Variants in DENND2B observed in about 807,000 individuals in gnomAD.
DENND2B encodes DENN domain-containing protein 2B.
DENND2B carries 32 observed loss-of-function variants against 116.0 expected under a neutral mutation model. That is an observed-to-expected ratio of 0.28 (90% CI 0.21 to 0.37). The LOEUF (loss-of-function observed/expected upper bound fraction) is 0.37, where lower values mean the gene tolerates loss of function less well. Among genes scored for constraint, DENND2B ranks in the 10% least tolerant of loss-of-function variants. The pLI, the probability that DENND2B is intolerant of heterozygous loss-of-function variation, is 1.00. For synonymous variants in DENND2B, 588 were observed against 583.9 expected, an observed-to-expected ratio of 1.01 and a Z score of -0.10; for missense variants, 1,276 against 1,477.7, an observed-to-expected ratio of 0.86 and a Z score of 2.24.
rs1470505473 is a variant in DENND2B at position 8,699,109 on chromosome 11, G to A, written c.2898+104C>T. ...CAGCCGGGGATAGACCTCCCAGGGA[G>A]AAAGGATAAGAGCCTGGTAAAGAGG... On this transcript the variant is annotated intron_variant, in intron 15 of 19. Transcript: ENST00000313726. 4.6e-6 allele frequency: 7 copies of A among 1,518,194 alleles called. No individual in the cohort carries two copies. The East Asian group carries it at 1.6e-4, about 34-fold the overall frequency. 94.0% of individuals were successfully genotyped at this position (1,518,194 alleles called of 1,614,324 possible). A position where few individuals can be genotyped will look rare whatever the true frequency, so the allele number is the denominator to read the frequency against.
Position 8,703,050 on chromosome 11 carries a change from A to G in DENND2B, c.2572-330T>C, listed in dbSNP as rs1057308727. Reference sequence around the variant, plus strand: ...GAGATAGGGAGAAGAAGGGAACCACACAGCCACATCTCTAGGGTCCTCCTG... The same window carrying G: ...GAGATAGGGAGAAGAAGGGAACCACGCAGCCACATCTCTAGGGTCCTCCTG... On this transcript the variant is annotated intron_variant, in intron 13 of 19. Coordinates refer to ENST00000313726, the MANE Select transcript of DENND2B (RefSeq NM_213618.2). 295 of 293,554 alleles carry G rather than the reference A, an allele frequency of 1.0e-3. 3 individuals carry two copies. Among genetic ancestry groups the G allele is most frequent in the Non-Finnish European group, 1.5e-4 (23 of 153,326 alleles). The allele number at this position is 293,554 out of a possible 1,614,324, so 18.2% of individuals were successfully genotyped here.
chr11:8,837,625 C>T (rs1002498904), intron 4 of DENND2B, among the ~76,000 whole-genome samples: 8 of 152,146 alleles, frequency 5.3e-5, no homozygotes, highest in Non-Finnish European at 7.4e-5. Context: ...GGATTACAGG[C>T]GTGAGTCACC....
chr11:8,792,518 T>C (rs2059471437), intron 1 of DENND2B, among the ~76,000 whole-genome samples: 1 of 152,150 alleles, frequency 6.6e-6, no homozygotes, highest in African/African-American at 2.4e-5. Context: ...GGAAAAATTA[T>C]CAGCAACACA....
At chr11:8,697,415 C>T in intron 17 of DENND2B, 110 bp downstream of exon 17, 1 of 788,360 alleles carries the variant, frequency 1.3e-6, no homozygotes, top group Non-Finnish European at 2.1e-6. Flanking sequence ...AGGTCCTCAT[C>T]AGCCAGAAAG....
At chr11:8,823,295 C>G (rs12574497) in intron 4 of DENND2B, among the ~76,000 whole-genome samples, 137,359 of 152,240 alleles carry the variant, frequency 0.9, 62,872 homozygotes, top group East Asian at 1. Context: ...GCTGGATGGA[C>G]TGGTAACTCA....
chr11:8,697,735 A>C (rs941783702), intron 16 of DENND2B, 99 bp from the exon 17 acceptor site: 10 of 777,944 alleles, frequency 1.3e-5, no homozygotes, highest in Admixed American at 7.8e-5. Flanking sequence ...AATCTCATTT[A>C]TCTCTCCCAG....
At chr11:8,848,302 C>T (rs1435834457) in intron 3 of DENND2B, among the ~76,000 whole-genome samples, 3 of 152,166 alleles carry the variant, frequency 2.0e-5, no homozygotes, top group Non-Finnish European at 4.4e-5. Flanking sequence ...CCAAGAACAA[C>T]TGTAAATGAG....
At chr11:8,774,506 G>A (rs2057355878) in intron 1 of DENND2B, among the ~76,000 whole-genome samples, 1 of 152,182 alleles carries the variant, frequency 6.6e-6, no homozygotes, top group South Asian at 2.1e-4. Flanking sequence ...CTGACAGAGA[G>A]GAAGTGTGCT....
intron 3 of DENND2B, among the ~76,000 whole-genome samples, chr11:8,729,491 G>T (rs970036244): frequency 6.6e-5 from 10 of 152,170 alleles, no homozygotes; most frequent in African/African-American, 2.4e-4. Context: ...TAAATTTGCC[G>T]ACACTACCAT....
chr11:8,706,198 T>C (rs1270281183), intron 13 of DENND2B, among the ~76,000 whole-genome samples: 1 of 152,182 alleles, frequency 6.6e-6, no homozygotes, highest in African/African-American at 2.4e-5. Context: ...TGAGCCATGA[T>C]AGCACCACTG....
intron 1 of DENND2B, among the ~76,000 whole-genome samples, chr11:8,766,960 G>C (rs1370389386): frequency 6.7e-6 from 1 of 149,328 alleles, no homozygotes; most frequent in Non-Finnish European, 1.5e-5. Flanking sequence ...AGGGAAGGAT[G>C]GTGGGGAGGC....
intron 3 of DENND2B, among the ~76,000 whole-genome samples, chr11:8,853,963 C>A (rs1388631118): frequency 1.3e-5 from 2 of 151,096 alleles, no homozygotes; most frequent in Non-Finnish European, 2.9e-5. Context: ...ATCCTCCCCC[C>A]TCAGCCTCCT....
At chr11:8,862,112 G>A (rs1217652397) in intron 2 of DENND2B, among the ~76,000 whole-genome samples, 5 of 151,776 alleles carry the variant, frequency 3.3e-5, no homozygotes, top group Non-Finnish European at 7.4e-5. Context: ...CAGGTGACTG[G>A]CACACTAAAA....
intron 1 of DENND2B, among the ~76,000 whole-genome samples, chr11:8,909,423 A>AACG (rs2064282875): frequency 2.4e-5 from 1 of 42,374 alleles, no homozygotes; most frequent in Non-Finnish European, 8.2e-5. Flanking sequence ...GAGGAAGAGG[A>AACG]AGGAGGAGGA....
chr11:8,905,274 C>T (rs2064221720), intron 1 of DENND2B, among the ~76,000 whole-genome samples: 1 of 151,898 alleles, frequency 6.6e-6, no homozygotes, highest in African/African-American at 2.4e-5. Context: ...ACAAAGTTGC[C>T]AAGGGAATTT....
At chr11:8,797,269 T>C (rs921478614) in intron 1 of DENND2B, among the ~76,000 whole-genome samples, 1 of 152,170 alleles carries the variant, frequency 6.6e-6, no homozygotes, top group Admixed American at 6.5e-5. Context: ...GAGTAAACAT[T>C]ACACTAATGT....
intron 4 of DENND2B, among the ~76,000 whole-genome samples, chr11:8,837,567 C>G (rs926306371): frequency 2.6e-5 from 4 of 151,950 alleles, no homozygotes; most frequent in African/African-American, 9.7e-5. Context: ...AGGCTGGTCT[C>G]GAACTCCTGA....
At chr11:8,790,069 G>A (rs12420964) in intron 1 of DENND2B, among the ~76,000 whole-genome samples, 34,556 of 151,948 alleles carry the variant, frequency 0.23, 4,197 homozygotes, top group South Asian at 0.34. Flanking sequence ...CAACAAACAC[G>A]ACCAACTGGG....
intron 1 of DENND2B, among the ~76,000 whole-genome samples, chr11:8,807,146 CG>C (rs1248256735): frequency 6.6e-6 from 1 of 152,192 alleles, no homozygotes; most frequent in African/African-American, 2.4e-5. Flanking sequence ...ATGTGTTCCC[CG>C]GGCTTGGCTG....
Sources: allele counts gnomAD v4.1 joint callset (sites outside exome capture counted in the v4.1 genomes callset), GRCh38; gene constraint gnomAD v4.1.1; transcripts MANE v1.5; gene names NCBI Gene and HGNC (gene_info 2026-07-23, HGNC 2026-07-21).